The following DSCAML1 variants were observed in gnomAD, a reference collection of about 807,000 sequenced individuals.
DSCAML1 encodes cell adhesion molecule DSCAML1.
DSCAML1 carries 38 observed loss-of-function variants against 200.5 expected under a neutral mutation model. That is an observed-to-expected ratio of 0.19 (90% CI 0.15 to 0.25). DSCAML1 has a LOEUF of 0.25. Among genes scored for constraint, DSCAML1 ranks in the 10% least tolerant of loss-of-function variants. The pLI, the probability that DSCAML1 is intolerant of heterozygous loss-of-function variation, is 1.00. For missense variants in DSCAML1, 2,223 were observed against 2,858.8 expected, an observed-to-expected ratio of 0.78 and a Z score of 5.07; for synonymous variants, 1,215 against 1,165.0, an observed-to-expected ratio of 1.04 and a Z score of -0.87.
At chr11:117,675,495 T>TTA (rs2053194741) in intron 3 of DSCAML1, among the ~76,000 whole-genome samples, 2 of 147,526 alleles carry the variant, frequency 1.4e-5, no homozygotes, top group Non-Finnish European at 3.0e-5. Context: ...TTTTTTTTTT[T>TTA]TTTTAGAGAC....
At chr11:117,578,205 A>G (rs1215666486) in intron 3 of DSCAML1, among the ~76,000 whole-genome samples, 2 of 136,970 alleles carry the variant, frequency 1.5e-5, no homozygotes, top group Non-Finnish European at 1.5e-5. Context: ...ATTGTATTCC[A>G]GCCTGGGCAA....
intron 18 of DSCAML1, 145 bp downstream of exon 18, chr11:117,461,305 G>A: frequency 7.0e-6 from 8 of 1,148,672 alleles, no homozygotes; most frequent in East Asian, 2.5e-5. Flanking sequence ...ATCGCCCCCC[G>A]TGGTCTCCCC....
chr11:117,593,388 G>C (rs549198725), intron 3 of DSCAML1, among the ~76,000 whole-genome samples: 1 of 152,324 alleles, frequency 6.6e-6, no homozygotes, highest in African/African-American at 2.4e-5. Context: ...GGGTCACTCA[G>C]GTGGTACCTC....
At chr11:117,524,086 C>G (rs1022732714) in intron 5 of DSCAML1, among the ~76,000 whole-genome samples, 4 of 152,208 alleles carry the variant, frequency 2.6e-5, no homozygotes, top group African/African-American at 9.7e-5. Flanking sequence ...AATCCGCATC[C>G]AGAGTGCTTT....
At position 117,428,694 on chromosome 11, in the gene DSCAML1, G is replaced by A; in HGVS notation, c.5796C>T (p.Asn1932=). The A allele has an allele frequency of 1.9e-6, 3 of 1,613,172 alleles. No individual in the cohort carries two copies. Among genetic ancestry groups the A allele is most frequent in the Non-Finnish European group, 8.5e-7 (1 of 1,179,710 alleles). Residue 1932 remains asparagine (N), a synonymous_variant, in exon 33 of 33, where the codon AAC becomes AAT. Transcript: ENST00000651296. ...CCTGGGTGTGGTAGGTTCGAGCCAG[G>A]TTCCGGATGGAGGCCTCACGGGGTG... ...VVPPREASIR[N]LARTYHTQAR...
chr11:117,803,354 A>C (rs1430990480), intron 1 of DSCAML1, among the ~76,000 whole-genome samples: 1 of 152,114 alleles, frequency 6.6e-6, no homozygotes, highest in Non-Finnish European at 1.5e-5. Flanking sequence ...GTAACGTAAA[A>C]AAATTTTTTT....
chr11:117,562,038 T>A (rs1159224755), intron 3 of DSCAML1, among the ~76,000 whole-genome samples: 1 of 152,108 alleles, frequency 6.6e-6, no homozygotes, highest in Admixed American at 6.5e-5. Flanking sequence ...GGAGGAGGCG[T>A]AGACTCACAG....
At chr11:117,689,936 G>C (rs947608108) in intron 3 of DSCAML1, among the ~76,000 whole-genome samples, 2 of 152,118 alleles carry the variant, frequency 1.3e-5, no homozygotes, top group South Asian at 4.2e-4. Flanking sequence ...TAGGAGCAGG[G>C]GGAAAGGGAA....
Position 117,714,710 on chromosome 11 carries a change from G to A in DSCAML1, c.511+62081C>T, listed in dbSNP as rs143390991. On this transcript the variant is annotated intron_variant, in intron 3 of 32. Coordinates refer to ENST00000651296, the MANE Select transcript of DSCAML1 (RefSeq NM_020693.4). The stretch of plus-strand genomic sequence containing the variant: ...TGGACACCTATAATCCCAGGTACTC[G>A]GGAGGCTAGGCTGAGGCAGGAGAAT... 7.3e-3 allele frequency among the ~76,000 whole-genome samples: 1,106 copies of A among 151,830 alleles called. 13 individuals carry two copies. Among genetic ancestry groups the A allele is most frequent in the African/African-American group, 0.024 (1,007 of 41,358 alleles).
intron 18 of DSCAML1, 144 bp downstream of exon 18, chr11:117,461,306 T>C: frequency 8.5e-7 from 1 of 1,174,050 alleles, no homozygotes; most frequent in East Asian, 2.5e-5. Flanking sequence ...TCGCCCCCCG[T>C]GGTCTCCCCG....
chr11:117,793,333 A>C (rs1002465411), intron 1 of DSCAML1, among the ~76,000 whole-genome samples: 2 of 152,134 alleles, frequency 1.3e-5, no homozygotes, highest in South Asian at 2.1e-4. Flanking sequence ...CCCCCAGAAA[A>C]CAACTCCTCC....
Position 117,639,774 on chromosome 11 carries a change from G to A in DSCAML1, c.512-107252C>T, listed in dbSNP as rs574033694. Among the ~76,000 whole-genome samples, 7 of 152,216 alleles carry A rather than the reference G, an allele frequency of 4.6e-5. No individual in the cohort carries two copies. The South Asian group carries it at 1.0e-3, about 23-fold the overall frequency. The stretch of plus-strand genomic sequence containing the variant: ...GCTGCTGCCCAGTATGAGAGAACTG[G>A]TAGTGGCTGCAGAGGCCCCGGGAAC... On this transcript the variant is annotated intron_variant, in intron 3 of 32. Coordinates refer to ENST00000651296, the MANE Select transcript of DSCAML1 (RefSeq NM_020693.4).
At chr11:117,784,366 G>A (rs921460858) in intron 1 of DSCAML1, among the ~76,000 whole-genome samples, 1 of 152,044 alleles carries the variant, frequency 6.6e-6, no homozygotes, top group Non-Finnish European at 1.5e-5. Flanking sequence ...ATTTAGCCTC[G>A]CCCTGCCTGC....
At chr11:117,750,783 A>C (rs1319103623) in intron 3 of DSCAML1, among the ~76,000 whole-genome samples, 1 of 152,210 alleles carries the variant, frequency 6.6e-6, no homozygotes, top group Non-Finnish European at 1.5e-5. Context: ...GTTCAAGAAA[A>C]TACCTGAATT....
At chr11:117,519,430 C>T (rs1419656983) in intron 6 of DSCAML1, among the ~76,000 whole-genome samples, 1 of 152,216 alleles carries the variant, frequency 6.6e-6, no homozygotes, top group Non-Finnish European at 1.5e-5. Flanking sequence ...AACCTCTGTG[C>T]CCTGGCTTCC....
intron 3 of DSCAML1, among the ~76,000 whole-genome samples, chr11:117,695,866 G>A (rs2053579864): frequency 6.6e-6 from 1 of 152,206 alleles, no homozygotes; most frequent in African/African-American, 2.4e-5. Context: ...CTATAAAATG[G>A]AGATAATAGC....
At chr11:117,795,151 T>A (rs1311170136) in intron 1 of DSCAML1, among the ~76,000 whole-genome samples, 2 of 152,192 alleles carry the variant, frequency 1.3e-5, no homozygotes, top group Non-Finnish European at 2.9e-5. Context: ...CTTCAGGTAT[T>A]TGCTGAGGGG....
Position 117,524,809 on chromosome 11 carries a change from G to C in DSCAML1, c.933C>G (p.Val311=). 1 of 1,580,408 alleles carries C rather than the reference G, an allele frequency of 6.3e-7. No homozygotes were observed. ...GAAGGGGCTTCCCCGACTCACCAAT[G>C]ACCATGAGGATGCCTGTGGCCTCTG... ...GSAEATGILM[V]IDPLHVTLTP... Residue 311 remains valine (V), a synonymous_variant, in exon 5 of 33, where the codon GTC becomes GTG. Coordinates refer to ENST00000651296, the MANE Select transcript of DSCAML1 (RefSeq NM_020693.4).
intron 3 of DSCAML1, among the ~76,000 whole-genome samples, chr11:117,547,432 T>C (rs1021720868): frequency 3.9e-5 from 6 of 152,264 alleles, no homozygotes; most frequent in Admixed American, 3.9e-4. Context: ...CTTGGCTCGC[T>C]TCTAAGGCGC....
Sources: allele counts gnomAD v4.1 joint callset (sites outside exome capture counted in the v4.1 genomes callset), GRCh38; gene constraint gnomAD v4.1.1; transcripts MANE v1.5; gene names NCBI Gene and HGNC (gene_info 2026-07-23, HGNC 2026-07-21).